The following RIGI variants were observed in gnomAD, a reference collection of about 807,000 sequenced individuals.
The protein encoded by RIGI is antiviral innate immune response receptor RIG-I.
At chr9:32,455,867 A>G in the RIGI span, 8 of 152,196 alleles carry the variant, frequency 5.3e-5, no homozygotes, top group Non-Finnish European at 8.8e-5. Context: ...CAGATGAAGA[A>G]AAGCCAAAGA....
the RIGI span, chr9:32,457,115 C>A: frequency 6.2e-7 from 1 of 1,608,594 alleles, no homozygotes; most frequent in Non-Finnish European, 8.5e-7. Flanking sequence ...AGATTGAGGA[C>A]CTGATATCAT....
At chr9:32,516,919 G>A in the RIGI span, among the ~76,000 whole-genome samples, 27 of 152,230 alleles carry the variant, frequency 1.8e-4, no homozygotes, top group Non-Finnish European at 3.5e-4. Context: ...GTTCGGGCTT[G>A]TCTATTGCTT....
At chr9:32,499,458 T>C in the RIGI span, among the ~76,000 whole-genome samples, 12 of 151,924 alleles carry the variant, frequency 7.9e-5, no homozygotes, top group Non-Finnish European at 2.9e-5. Flanking sequence ...TATTTATTTA[T>C]TTATTTATTT....
the RIGI span, among the ~76,000 whole-genome samples, chr9:32,478,247 G>A: frequency 1.3e-5 from 2 of 152,174 alleles, no homozygotes; most frequent in Non-Finnish European, 2.9e-5. Context: ...GTTTCACCAT[G>A]TTGGCCAGGC....
chr9:32,459,331 G>T, the RIGI span: 2 of 1,602,514 alleles, frequency 1.2e-6, no homozygotes, highest in South Asian at 1.1e-5. Context: ...TGTAGCTAGT[G>T]CTAAAACATG....
At chr9:32,484,709 C>T in the RIGI span, among the ~76,000 whole-genome samples, 793 of 152,314 alleles carry the variant, frequency 5.2e-3, 39 homozygotes, top group East Asian at 0.12. Flanking sequence ...TTAATCTTCA[C>T]TTTTTTCCCC....
At chr9:32,514,856 G>GTTCC in the RIGI span, among the ~76,000 whole-genome samples, 2 of 151,936 alleles carry the variant, frequency 1.3e-5, no homozygotes, top group Non-Finnish European at 2.9e-5. Context: ...CTTTTTTTAA[G>GTTCC]CTAATTTTTT....
At chr9:32,470,274 C>CCAT in the RIGI span, among the ~76,000 whole-genome samples, 1 of 152,140 alleles carries the variant, frequency 6.6e-6, no homozygotes, top group African/African-American at 2.4e-5. Flanking sequence ...CACCACATGC[C>CCAT]AGGCATTGTT....
At chr9:32,486,278 C>T in the RIGI span, among the ~76,000 whole-genome samples, 2 of 151,600 alleles carry the variant, frequency 1.3e-5, no homozygotes, top group African/African-American at 4.8e-5. Flanking sequence ...ATGGTGAAAC[C>T]CTGTCTGTAC....
At chr9:32,467,887 GCTT>G in the RIGI span, 32 of 1,612,812 alleles carry the variant, frequency 2.0e-5, no homozygotes, top group Non-Finnish European at 2.7e-5. Context: ...ATCTCCACTG[GCTT>G]TGAATGCATC....
the RIGI span, among the ~76,000 whole-genome samples, chr9:32,465,823 G>A: frequency 3.5e-3 from 530 of 152,254 alleles, 2 homozygotes; most frequent in African/African-American, 0.012. Context: ...TCTGTGTTAC[G>A]GAAATTACAA....
At chr9:32,487,655 A>G in the RIGI span, 1 of 1,607,214 alleles carries the variant, frequency 6.2e-7, no homozygotes, top group Non-Finnish European at 8.5e-7. Flanking sequence ...ATTCAAAATC[A>G]TTAGATGTCT....
chr9:32,465,506 C>T, the RIGI span, among the ~76,000 whole-genome samples: 2 of 152,094 alleles, frequency 1.3e-5, no homozygotes, highest in Non-Finnish European at 2.9e-5. Flanking sequence ...GTATTTTATG[C>T]CAGGCGCTAA....
chr9:32,456,421 T>C, the RIGI span: 2 of 152,036 alleles, frequency 1.3e-5, no homozygotes, highest in South Asian at 4.1e-4. Context: ...TGTGTAGCCA[T>C]ACCACACGTT....
the RIGI span, among the ~76,000 whole-genome samples, chr9:32,459,860 A>G: frequency 3.9e-5 from 6 of 152,252 alleles, no homozygotes; most frequent in Non-Finnish European, 8.8e-5. Context: ...TACCAGATAT[A>G]CAATATGCGC....
At chr9:32,498,079 C>T in the RIGI span, among the ~76,000 whole-genome samples, 1 of 152,212 alleles carries the variant, frequency 6.6e-6, no homozygotes, top group East Asian at 1.9e-4. Context: ...CAACCAACCT[C>T]CTGACTGCCC....
chr9:32,502,142 C>T, the RIGI span, among the ~76,000 whole-genome samples: 2 of 152,166 alleles, frequency 1.3e-5, no homozygotes, highest in Non-Finnish European at 2.9e-5. Context: ...TGGCCTCTTA[C>T]TTTGCATAAT....
chr9:32,493,801 G>C, the RIGI span: 1 of 1,605,732 alleles, frequency 6.2e-7, no homozygotes, highest in Non-Finnish European at 8.5e-7. Context: ...TAAACATTCA[G>C]ACAGATCAGA....
At chr9:32,472,063 C>G in the RIGI span, among the ~76,000 whole-genome samples, 1 of 152,058 alleles carries the variant, frequency 6.6e-6, no homozygotes, top group Non-Finnish European at 1.5e-5. Context: ...GGCGGGCCAC[C>G]TAGGATCCTC....
Sources: gnomAD v4.1 joint callset for allele counts (sites outside exome capture counted in the v4.1 genomes callset) on GRCh38, gnomAD v4.1.1 for gene constraint, MANE v1.5 for transcripts, NCBI Gene and HGNC (gene_info 2026-07-23, HGNC 2026-07-21) for gene names.